The following C8orf34 variants were observed in gnomAD, a reference collection of about 807,000 sequenced individuals.
The protein encoded by C8orf34 is chromosome 8 open reading frame 34.
In C8orf34, 65 loss-of-function variants were observed where a neutral mutation model predicts 68.3. The ratio of observed to expected loss-of-function variants is 0.95; its 90% CI spans 0.78 to 1.17. The LOEUF (loss-of-function observed/expected upper bound fraction) is 1.17. Among genes scored for constraint, C8orf34 ranks in the 50% most tolerant of loss-of-function variants. C8orf34 has a pLI of 0.00. For synonymous variants in C8orf34, 244 were observed against 241.2 expected, an observed-to-expected ratio of 1.01 and a Z score of -0.11; for missense variants, 664 against 655.4, an observed-to-expected ratio of 1.01 and a Z score of -0.14.
At chr8:68,602,408 G>A (rs1251204579) in intron 7 of C8orf34, among the ~76,000 whole-genome samples, 5 of 152,176 alleles carry the variant, frequency 3.3e-5, no homozygotes, top group African/African-American at 1.2e-4. Context: ...GGTAGAAAGG[G>A]AAGCAAACAC....
chr8:68,816,105 A>AGTGTGTGC (rs1554617694), intron 13 of C8orf34, among the ~76,000 whole-genome samples, 160 bp downstream of exon 13: 63 of 144,516 alleles, frequency 4.4e-4, no homozygotes, highest in Non-Finnish European at 8.1e-4. Flanking sequence ...ATTTCCTAAG[A>AGTGTGTGC]GTGTGTGTGT....
At chr8:68,746,283 G>C (rs1384163622) in intron 10 of C8orf34, among the ~76,000 whole-genome samples, 1 of 143,362 alleles carries the variant, frequency 7.0e-6, no homozygotes, top group Non-Finnish European at 1.5e-5. Flanking sequence ...AGAGAAAGCA[G>C]GAAAGATCCA....
intron 11 of C8orf34, among the ~76,000 whole-genome samples, chr8:68,786,452 A>G (rs1374423605): frequency 6.6e-6 from 1 of 152,214 alleles, no homozygotes; most frequent in Non-Finnish European, 1.5e-5. Flanking sequence ...TAAGGACGGA[A>G]AAGATGAAAG....
At position 68,702,740 on chromosome 8, in the gene C8orf34, C is replaced by A. The variant is rs902260795; in HGVS notation, c.1242-6254C>A. 3.3e-5 allele frequency among the ~76,000 whole-genome samples: 5 copies of A among 152,016 alleles called. No individual in the cohort carries two copies. The East Asian group carries it at 5.8e-4, about 18-fold the overall frequency. On this transcript the variant is annotated intron_variant, in intron 8 of 13. Transcript: ENST00000518698. ...TACATGGTTTAACTGAATGGACATT[C>A]GACATCAGGGAATTTTTTAAGGGAA... is the stretch of plus-strand genomic sequence containing the variant.
chr8:68,662,285 T>A (rs1041585400), intron 8 of C8orf34, among the ~76,000 whole-genome samples: 10 of 152,198 alleles, frequency 6.6e-5, no homozygotes, highest in Non-Finnish European at 1.3e-4. Flanking sequence ...TGTGTCAACC[T>A]TTAGTCTCCT....
At chr8:68,415,155 T>C (rs1430525080) in intron 1 of C8orf34, among the ~76,000 whole-genome samples, 1 of 152,078 alleles carries the variant, frequency 6.6e-6, no homozygotes, top group Non-Finnish European at 1.5e-5. Flanking sequence ...TTTTCCATCG[T>C]ATGGAGAAAA....
chr8:68,461,549 G>A (rs927731624), intron 3 of C8orf34, among the ~76,000 whole-genome samples: 6 of 152,256 alleles, frequency 3.9e-5, no homozygotes, highest in African/African-American at 9.6e-5. Context: ...GAGAAAGGTC[G>A]GGTTACCCTC....
intron 10 of C8orf34, among the ~76,000 whole-genome samples, chr8:68,749,254 G>T (rs1375373659): frequency 6.6e-6 from 1 of 152,040 alleles, no homozygotes; most frequent in Non-Finnish European, 1.5e-5. Context: ...GGGGGAGCGG[G>T]GAGGGATTGC....
chr8:68,741,496 T>G (rs1822292445), intron 10 of C8orf34, among the ~76,000 whole-genome samples: 1 of 152,200 alleles, frequency 6.6e-6, no homozygotes, highest in Non-Finnish European at 1.5e-5. Flanking sequence ...TAGTTATTTT[T>G]AAATGTACAG....
At chr8:68,467,448 T>G (rs1812196788) in intron 3 of C8orf34, among the ~76,000 whole-genome samples, 6 of 144,192 alleles carry the variant, frequency 4.2e-5, no homozygotes, top group Admixed American at 3.6e-4. Flanking sequence ...TATCCTTTAT[T>G]TTAAAAATTT....
At chr8:68,625,455 C>G (rs762441317) in intron 7 of C8orf34, 6 of 563,054 alleles carry the variant, frequency 1.1e-5, no homozygotes, top group Non-Finnish European at 1.9e-5. Flanking sequence ...AGAGGCAACT[C>G]TCCAAGAAAA....
At chr8:68,533,190 C>T in intron 7 of C8orf34, 41 bp downstream of exon 7, 3 of 1,538,796 alleles carry the variant, frequency 1.9e-6, no homozygotes, top group Admixed American at 4.3e-5. Context: ...TCTTCTTTGA[C>T]ATTGTAAAAA....
At chr8:68,408,233 C>T (rs1563413062) in intron 1 of C8orf34, among the ~76,000 whole-genome samples, 1 of 151,306 alleles carries the variant, frequency 6.6e-6, no homozygotes, top group African/African-American at 2.4e-5. Flanking sequence ...TGATCTGTCA[C>T]TGTCTCCCAT....
intron 7 of C8orf34, among the ~76,000 whole-genome samples, chr8:68,623,997 G>A (rs1474486650): frequency 1.3e-5 from 2 of 152,146 alleles, no homozygotes; most frequent in Non-Finnish European, 2.9e-5. Context: ...ATTGGGCTGT[G>A]CGCAGCAGCT....
intron 10 of C8orf34, among the ~76,000 whole-genome samples, chr8:68,725,780 G>C (rs1294708294): frequency 6.6e-6 from 1 of 152,150 alleles, no homozygotes; most frequent in East Asian, 1.9e-4. Context: ...GAACTTGTTG[G>C]GATCCGTACA....
chr8:68,671,228 A>G (rs1819998327), intron 8 of C8orf34, among the ~76,000 whole-genome samples: 1 of 152,150 alleles, frequency 6.6e-6, no homozygotes, highest in South Asian at 2.1e-4. Context: ...GAATCCACAT[A>G]TTTTTATTAA....
intron 4 of C8orf34, among the ~76,000 whole-genome samples, chr8:68,477,335 A>G (rs113107613): frequency 6.6e-6 from 1 of 152,234 alleles, no homozygotes; most frequent in African/African-American, 2.4e-5. Flanking sequence ...CTTGGAGGCA[A>G]CATGGGGACA....
At chr8:68,519,631 T>C (rs994370001) in intron 5 of C8orf34, among the ~76,000 whole-genome samples, 21 of 152,208 alleles carry the variant, frequency 1.4e-4, no homozygotes, top group African/African-American at 4.3e-4. Context: ...GATTGTTGTT[T>C]ATGATTATTG....
At chr8:68,715,240 A>G (rs1821437569) in intron 9 of C8orf34, among the ~76,000 whole-genome samples, 1 of 152,196 alleles carries the variant, frequency 6.6e-6, no homozygotes, top group Non-Finnish European at 1.5e-5. Flanking sequence ...AGAACCCAAA[A>G]GCAAGTGCAA....
Sources: gnomAD v4.1 joint callset for allele counts (sites outside exome capture counted in the v4.1 genomes callset) on GRCh38, gnomAD v4.1.1 for gene constraint, MANE v1.5 for transcripts, NCBI Gene and HGNC (gene_info 2026-07-23, HGNC 2026-07-21) for gene names.